Variants in ASTN2 observed in about 807,000 individuals in gnomAD.
ASTN2 encodes the protein astrotactin-2.
In ASTN2, 54 loss-of-function variants were observed where a neutral mutation model predicts 139.8. That is an observed-to-expected ratio of 0.39 (90% CI 0.31 to 0.48). The LOEUF (loss-of-function observed/expected upper bound fraction) is 0.48. Among genes scored for constraint, ASTN2 ranks in the 20% least tolerant of loss-of-function variants. The probability of loss-of-function intolerance (pLI) is 0.95; values close to 1 mark genes in which losing one functional copy is unlikely to be tolerated. For synonymous variants in ASTN2, 756 were observed against 719.5 expected, an observed-to-expected ratio of 1.05 and a Z score of -0.81; for missense variants, 1,565 against 1,725.1, an observed-to-expected ratio of 0.91 and a Z score of 1.64.
chr9:116,773,606 C>T (rs1399328775), intron 13 of ASTN2, among the ~76,000 whole-genome samples: 1 of 152,166 alleles, frequency 6.6e-6, no homozygotes, highest in Non-Finnish European at 1.5e-5. Context: ...AGAAAACATG[C>T]TCTGAATATA....
chr9:116,635,668 C>T (rs535821257), intron 17 of ASTN2, among the ~76,000 whole-genome samples: 1 of 152,238 alleles, frequency 6.6e-6, no homozygotes, highest in Admixed American at 6.5e-5. Context: ...ACTTCAATTG[C>T]CTGGTGTTCC....
intron 10 of ASTN2, among the ~76,000 whole-genome samples, chr9:116,966,279 C>A (rs1313025436): frequency 6.6e-6 from 1 of 152,176 alleles, no homozygotes; most frequent in Non-Finnish European, 1.5e-5. Context: ...AATAATTTAG[C>A]ATTTCCTGCA....
chr9:116,570,633 G>A (rs922618375), intron 19 of ASTN2, among the ~76,000 whole-genome samples: 11 of 152,216 alleles, frequency 7.2e-5, no homozygotes, highest in East Asian at 3.9e-4. Flanking sequence ...TCCTGACCTC[G>A]TGATCCACCC....
intron 22 of ASTN2, among the ~76,000 whole-genome samples, chr9:116,436,600 A>G (rs1197967701): frequency 3.9e-5 from 6 of 152,256 alleles, no homozygotes; most frequent in African/African-American, 9.6e-5. Context: ...TAAGTGCAGG[A>G]AAGATAGTTA....
In ASTN2 at chr9:116,446,935, T is replaced by C. The variant is rs187093875; in HGVS notation, c.3498-4382A>G. 2.4e-4 allele frequency among the ~76,000 whole-genome samples: 36 copies of C among 152,324 alleles called. 1 individual carries two copies. Among genetic ancestry groups the C allele is most frequent in the Non-Finnish European group, 4.3e-4 (29 of 68,024 alleles). On this transcript the variant is annotated intron_variant, in intron 20 of 22. Coordinates refer to ENST00000313400, the MANE Select transcript of ASTN2 (RefSeq NM_001365068.1). ...ATATTTCTTCATCATTGTCAGGACA[T>C]TGTCATCCTCAGGACATCATCTTCA...
intron 1 of ASTN2, among the ~76,000 whole-genome samples, chr9:117,314,935 T>C: frequency 7.4e-6 from 1 of 135,412 alleles, no homozygotes; most frequent in South Asian, 2.3e-4. Flanking sequence ...GATATATTAA[T>C]ATGTAATATA....
chr9:116,707,470 G>A (rs10983310), intron 16 of ASTN2, among the ~76,000 whole-genome samples: 1 of 151,946 alleles, frequency 6.6e-6, no homozygotes, highest in African/African-American at 2.4e-5. Flanking sequence ...TCTGGAGGAA[G>A]AATCTTACAC....
intron 1 of ASTN2, among the ~76,000 whole-genome samples, chr9:117,357,089 T>C (rs1466504022): frequency 6.6e-6 from 1 of 151,982 alleles, no homozygotes; most frequent in Non-Finnish European, 1.5e-5. Flanking sequence ...AAGAATTGAA[T>C]ATGAAGCATG....
At chr9:116,484,232 A>G (rs1366219686) in intron 20 of ASTN2, among the ~76,000 whole-genome samples, 1 of 152,180 alleles carries the variant, frequency 6.6e-6, no homozygotes, top group Non-Finnish European at 1.5e-5. Context: ...CCTATATGCC[A>G]ATAATTCAGG....
chr9:117,374,486 A>G (rs1830070049), intron 1 of ASTN2, among the ~76,000 whole-genome samples: 1 of 152,150 alleles, frequency 6.6e-6, no homozygotes, highest in African/African-American at 2.4e-5. Context: ...TCTGGACCAC[A>G]ATAACTCAAA....
chr9:116,848,047 T>C (rs1281234101), intron 11 of ASTN2, among the ~76,000 whole-genome samples: 1 of 152,166 alleles, frequency 6.6e-6, no homozygotes, highest in African/African-American at 2.4e-5. Flanking sequence ...TCTAACTGTC[T>C]TCACCTGGGT....
intron 1 of ASTN2, among the ~76,000 whole-genome samples, chr9:117,371,909 T>C (rs557308470): frequency 1.3e-5 from 2 of 152,094 alleles, no homozygotes; most frequent in Non-Finnish European, 2.9e-5. Context: ...GATGATCTCC[T>C]ACACCCAGGC....
intron 10 of ASTN2, among the ~76,000 whole-genome samples, chr9:116,954,382 G>T (rs1004160845): frequency 6.6e-6 from 1 of 152,198 alleles, no homozygotes; most frequent in African/African-American, 2.4e-5. Flanking sequence ...AATTTAGTTT[G>T]TCTAGATTGG....
chr9:117,077,136 T>G (rs914188261), intron 5 of ASTN2, among the ~76,000 whole-genome samples: 5 of 151,698 alleles, frequency 3.3e-5, no homozygotes, highest in African/African-American at 1.2e-4. Context: ...GAGACAGAGG[T>G]TGGGAGGAAA....
At chr9:117,009,286 C>G (rs1470859884) in intron 6 of ASTN2, among the ~76,000 whole-genome samples, 1 of 152,018 alleles carries the variant, frequency 6.6e-6, no homozygotes, top group East Asian at 1.9e-4. Context: ...GTTCCTTATC[C>G]CACATATATG....
chr9:117,110,964 C>T (rs551455756), intron 4 of ASTN2, among the ~76,000 whole-genome samples: 3 of 152,210 alleles, frequency 2.0e-5, no homozygotes, highest in South Asian at 4.2e-4. Flanking sequence ...CCCATATCTC[C>T]GGCTGACCTC....
Position 117,201,106 on chromosome 9 carries a change from G to A in ASTN2, c.1015+13252C>T, listed in dbSNP as rs566784819. 2.0e-5 allele frequency among the ~76,000 whole-genome samples: 3 copies of A among 149,566 alleles called. No individual in the cohort carries two copies. In the East Asian group the frequency reaches 6.0e-4, roughly 30 times the overall value. The stretch of plus-strand genomic sequence containing the variant: ...CTTCTTCCTGGTATAGTCTTTGTAG[G>A]GTGTATGCATCCAGGAATTTATTCA... On this transcript the variant is annotated intron_variant, in intron 3 of 22. Transcript: ENST00000313400.
chr9:116,754,456 A>G (rs1829485592), intron 13 of ASTN2, among the ~76,000 whole-genome samples: 1 of 152,162 alleles, frequency 6.6e-6, no homozygotes, highest in South Asian at 2.1e-4. Flanking sequence ...ATTTCTCCAC[A>G]TCCTCTCCAG....
chr9:116,809,888 T>C (rs957279821), intron 12 of ASTN2, among the ~76,000 whole-genome samples: 3 of 152,190 alleles, frequency 2.0e-5, no homozygotes, highest in African/African-American at 7.2e-5. Flanking sequence ...GCCATGTAAC[T>C]GGATTCTGAA....
Sources: allele counts gnomAD v4.1 joint callset (sites outside exome capture counted in the v4.1 genomes callset), GRCh38; gene constraint gnomAD v4.1.1; transcripts MANE v1.5; gene names NCBI Gene and HGNC (gene_info 2026-07-23, HGNC 2026-07-21).